The following TFCP2 variants were observed in gnomAD, a reference collection of about 807,000 sequenced individuals.
The protein encoded by TFCP2 is transcription factor CP2.
TFCP2 carries 33 observed loss-of-function variants against 73.4 expected under a neutral mutation model. The observed-to-expected ratio is 0.45, with a 90% CI of 0.34 to 0.60. The LOEUF is 0.60. Among genes scored for constraint, TFCP2 ranks in the 20% least tolerant of loss-of-function variants. The pLI is 0.01. For missense variants in TFCP2, 352 were observed against 604.0 expected (o/e 0.58, Z 4.37); for synonymous variants, 193 against 211.6 (o/e 0.91, Z 0.76).
At chr12:51,143,695 G>T (rs1381204615) in intron 1 of TFCP2, among the ~76,000 whole-genome samples, 1 of 152,042 alleles carries the variant, frequency 6.6e-6, no homozygotes, top group Non-Finnish European at 1.5e-5. Context: ...TAAGCAATTT[G>T]CCCAATCCTG....
intron 4 of TFCP2, 44 bp from the exon 5 acceptor site, chr12:51,111,027 T>C (rs1940386196): frequency 1.5e-6 from 2 of 1,331,742 alleles, no homozygotes; most frequent in African/African-American, 2.9e-5. Flanking sequence ...TGAGGGCCAC[T>C]CAGTTTTAAA....
chr12:51,136,244 G>A (rs1941057605), intron 1 of TFCP2, among the ~76,000 whole-genome samples: 1 of 150,730 alleles, frequency 6.6e-6, no homozygotes, highest in Non-Finnish European at 1.5e-5. Context: ...GGGAGGTGGA[G>A]GTTGCAGTGA....
chr12:51,171,441 C>G (rs1941859808), intron 1 of TFCP2, among the ~76,000 whole-genome samples: 1 of 152,082 alleles, frequency 6.6e-6, no homozygotes, highest in Admixed American at 6.6e-5. Context: ...GCAATGACAC[C>G]ATCTCTGCTC....
At chr12:51,124,790 CT>C in intron 1 of TFCP2, 2 of 852,336 alleles carry the variant, frequency 2.3e-6, no homozygotes, top group Non-Finnish European at 2.0e-6. Flanking sequence ...GCTGCTCAGC[CT>C]TTTTCTGCTG....
At chr12:51,110,231 G>A (rs1346513349) in intron 5 of TFCP2, among the ~76,000 whole-genome samples, 2 of 152,108 alleles carry the variant, frequency 1.3e-5, no homozygotes, top group African/African-American at 4.8e-5. Context: ...CAAATTTTAA[G>A]TATAAATATG....
chr12:51,111,376 C>T (rs1174204568), intron 4 of TFCP2, among the ~76,000 whole-genome samples: 1 of 152,036 alleles, frequency 6.6e-6, no homozygotes, highest in Non-Finnish European at 1.5e-5. Context: ...AAACTCCTGA[C>T]CTCAGGTTAT....
intron 1 of TFCP2, among the ~76,000 whole-genome samples, chr12:51,159,490 C>G (rs1014365105): frequency 5.3e-5 from 8 of 151,944 alleles, no homozygotes; most frequent in African/African-American, 1.9e-4. Context: ...AGGCGCCCAC[C>G]ACCATGCCCA....
At chr12:51,128,541 T>TC (rs1940867301) in intron 1 of TFCP2, among the ~76,000 whole-genome samples, 2 of 150,846 alleles carry the variant, frequency 1.3e-5, no homozygotes, top group Admixed American at 6.6e-5. Context: ...ATAACCAAAC[T>TC]CCATTTTCCT....
At chr12:51,124,610 G>A (rs1471740883) in intron 1 of TFCP2, 4 of 527,124 alleles carry the variant, frequency 7.6e-6, no homozygotes, top group Non-Finnish European at 1.5e-5. Flanking sequence ...GGAGCGGACT[G>A]CCCCGCCGGC....
In TFCP2 at chr12:51,103,739, G is replaced by T; in HGVS notation, c.991C>A (p.Gln331Lys). ...TDNLLPTTTP[Q>K]EAQQWLHRNR... The stretch of plus-strand genomic sequence containing the variant: ...CGATGCAACCACTGCTGAGCTTCCT[G>T]AGGTGTGGTTGTTGGTAAGAGGTTC... The change falls in exon 10 of 15, where the codon CAG (glutamine) becomes AAG (lysine). Residue 331 changes from glutamine (Q) to lysine (K), a missense_variant. Gln to Lys is a moderately conservative substitution (Grantham distance 53). Transcript: ENST00000257915. 1 of 1,613,960 alleles carries T rather than the reference G, an allele frequency of 6.2e-7. No individual in the cohort carries two copies. Among genetic ancestry groups the T allele is most frequent in the Non-Finnish European group, 8.5e-7 (1 of 1,179,954 alleles).
At chr12:51,113,604 C>T (rs558570314) in intron 4 of TFCP2, among the ~76,000 whole-genome samples, 1 of 152,232 alleles carries the variant, frequency 6.6e-6, no homozygotes, top group Non-Finnish European at 1.5e-5. Flanking sequence ...CCAAAACAAT[C>T]GTGAAATAGA....
At chr12:51,172,151 A>T in intron 1 of TFCP2, 150 bp downstream of exon 1, 2 of 1,117,174 alleles carry the variant, frequency 1.8e-6, no homozygotes, top group Non-Finnish European at 2.6e-6. Context: ...AACACTAACT[A>T]CTCAAAGCGA....
rs1418397041 is a variant in TFCP2, at chr12:51,117,579, A to G, written c.351+92T>C. On this transcript the variant is annotated intron_variant, in intron 3 of 14. Coordinates refer to ENST00000257915, the MANE Select transcript of TFCP2 (RefSeq NM_005653.5). Reference sequence around the variant, plus strand: ...GCAAGAGATACCATTAAGCCATTGGAAGCAAAAGAACATTAACAACAACAA... The same window carrying G: ...GCAAGAGATACCATTAAGCCATTGGGAGCAAAAGAACATTAACAACAACAA... 1.1e-5 allele frequency: 11 copies of G among 983,284 alleles called. No homozygotes were observed. The Admixed American group carries it at 2.2e-4, about 20-fold the overall frequency. 60.9% of individuals were successfully genotyped at this position (983,284 alleles called of 1,614,324 possible).
intron 12 of TFCP2, 55 bp from the exon 13 acceptor site, chr12:51,098,973 G>T: frequency 6.3e-7 from 1 of 1,583,206 alleles, no homozygotes; most frequent in Non-Finnish European, 8.6e-7. Context: ...ACTCTTACAG[G>T]TAACTTGATC....
intron 1 of TFCP2, among the ~76,000 whole-genome samples, chr12:51,136,251 G>A (rs1941057921): frequency 6.7e-6 from 1 of 149,794 alleles, no homozygotes; most frequent in Non-Finnish European, 1.5e-5. Flanking sequence ...GGAGGTTGCA[G>A]TGAGCTGAGA....
At chr12:51,116,712 G>T (rs912541458) in intron 3 of TFCP2, among the ~76,000 whole-genome samples, 3 of 151,684 alleles carry the variant, frequency 2.0e-5, no homozygotes, top group African/African-American at 7.3e-5. Flanking sequence ...CCACCTCCCG[G>T]GTTCAAGGAA....
intron 1 of TFCP2, among the ~76,000 whole-genome samples, chr12:51,143,664 T>G (rs1941233352): frequency 6.6e-6 from 1 of 152,252 alleles, no homozygotes; most frequent in African/African-American, 2.4e-5. Flanking sequence ...ACCTCCATTT[T>G]AAAGAGAAGC....
chr12:51,139,033 C>A (rs117964599), intron 1 of TFCP2, among the ~76,000 whole-genome samples: 2 of 152,154 alleles, frequency 1.3e-5, no homozygotes, highest in Non-Finnish European at 2.9e-5. Context: ...GCAATCAAAG[C>A]AGAAATGTTA....
chr12:51,140,445 C>CTTTTTTTTTTTTTTTTTTTTT (rs768526922), intron 1 of TFCP2, among the ~76,000 whole-genome samples: 14 of 88,036 alleles, frequency 1.6e-4, no homozygotes, highest in South Asian at 4.6e-4. Context: ...TTTTCTTTTT[C>CTTTTTTTTTTTTTTTTTTTTT]TTTTTTTTTT....
Sources: gnomAD v4.1 joint callset for allele counts (sites outside exome capture counted in the v4.1 genomes callset) on GRCh38, gnomAD v4.1.1 for gene constraint, MANE v1.5 for transcripts, NCBI Gene and HGNC (gene_info 2026-07-23, HGNC 2026-07-21) for gene names.